SRI: variants seen among roughly 807,000 people sequenced by gnomAD.
SRI encodes the protein 22 kDa protein.
Under a neutral mutation model 33.3 loss-of-function variants are expected in SRI, and 30 were observed. That is an observed-to-expected ratio of 0.90 (90% CI 0.67 to 1.22). The LOEUF (loss-of-function observed/expected upper bound fraction) is 1.22. Among genes scored for constraint, SRI ranks in the 50% most tolerant of loss-of-function variants. SRI has a pLI of 0.00. For synonymous variants in SRI, 75 were observed against 89.9 expected (o/e 0.83, Z 0.94); for missense variants, 243 against 250.8 (o/e 0.97, Z 0.21).
At chr7:88,221,437 G>A (rs1851885406), upstream of SRI, among the ~76,000 whole-genome samples, 1 of 152,186 alleles carries the variant, frequency 6.6e-6, no homozygotes, top group Non-Finnish European at 1.5e-5. Flanking sequence ...AGGTAGATGA[G>A]ACATCTAATG....
chr7:88,214,930 C>G, intron 3 of SRI: 3 of 740,210 alleles, frequency 4.1e-6, no homozygotes, highest in Non-Finnish European at 6.2e-6. Flanking sequence ...TTATCACAGA[C>G]GAACAACTAA....
chr7:88,224,996 A>C (rs1851965009), upstream of SRI, among the ~76,000 whole-genome samples: 1 of 152,344 alleles, frequency 6.6e-6, no homozygotes, highest in Middle Eastern at 3.4e-3. Flanking sequence ...GGACCCTTTC[A>C]TCTGTGTTGG....
chr7:88,219,550 T>G, intron 1 of SRI: 1 of 189,770 alleles, frequency 5.3e-6, no homozygotes, highest in African/African-American at 2.4e-5. Context: ...TTTTGTTTGT[T>G]TGTTTGTTTG....
intron 7 of SRI, 75 bp downstream of exon 7, chr7:88,208,432 C>T: frequency 3.2e-6 from 5 of 1,583,442 alleles, no homozygotes; most frequent in Non-Finnish European, 4.3e-6. Flanking sequence ...ATATTCTTAA[C>T]AGCTAATTTC....
Position 88,206,379 on chromosome 7 carries a change from T to C in SRI, c.*99A>G. On this transcript the variant is annotated 3_prime_UTR_variant, in exon 8 of 8. Coordinates refer to ENST00000265729, the MANE Select transcript of SRI (RefSeq NM_003130.4). ...CTTTACAACAGCTGTTAAGAGAAAGTCGTGATGTAAGTTTATACATATTAC... is the reference window on the plus strand; with the variant it reads ...CTTTACAACAGCTGTTAAGAGAAAGCCGTGATGTAAGTTTATACATATTAC... 7.4e-7 allele frequency: 1 copy of C among 1,347,720 alleles called. No homozygotes were observed. The highest frequency in any genetic ancestry group is 1.1e-6 in the Non-Finnish European group (1 of 937,584). The allele number at this position is 1,347,720 out of a possible 1,614,324, so 83.5% of individuals were successfully genotyped here. A position where few individuals can be genotyped will look rare whatever the true frequency, so the allele number is the denominator to read the frequency against.
intron 3 of SRI, chr7:88,216,906 T>C: frequency 1.7e-6 from 1 of 588,176 alleles, no homozygotes; most frequent in Admixed American, 2.9e-5. Flanking sequence ...TCTGAAGTAC[T>C]GGGATTACAG....
intron 4 of SRI, chr7:88,210,667 G>A (rs1851554105): frequency 1.8e-6 from 1 of 541,412 alleles, no homozygotes; most frequent in African/African-American, 1.9e-5. Context: ...ATAATACTCT[G>A]ATGTTTCCTT....
At chr7:88,213,915 TAACTC>T (rs1228919481) in intron 3 of SRI, among the ~76,000 whole-genome samples, 3 of 152,222 alleles carry the variant, frequency 2.0e-5, no homozygotes, top group African/African-American at 7.2e-5. Flanking sequence ...CCATATTCAT[TAACTC>T]AACAGCCACT....
intron 1 of SRI, among the ~76,000 whole-genome samples, chr7:88,226,455 A>C (rs931943833): frequency 1.3e-5 from 2 of 152,138 alleles, no homozygotes; most frequent in African/African-American, 4.8e-5. Context: ...TGGAGAGAGG[A>C]GGGGAAGATA....
chr7:88,213,228 T>G (rs971058340), intron 3 of SRI, among the ~76,000 whole-genome samples: 4 of 152,292 alleles, frequency 2.6e-5, no homozygotes, highest in South Asian at 4.1e-4. Context: ...TTTATTAGTC[T>G]TTACAGTCAG....
chr7:88,218,675 C>T (rs1029875090), intron 2 of SRI, 184 bp downstream of exon 2: 1 of 571,046 alleles, frequency 1.8e-6, no homozygotes, highest in Admixed American at 2.9e-5. Flanking sequence ...ACGAGTAACA[C>T]TTTGTCCTCA....
chr7:88,222,893 A>C (rs1006506841), upstream of SRI, among the ~76,000 whole-genome samples: 7 of 152,058 alleles, frequency 4.6e-5, no homozygotes, highest in Non-Finnish European at 1.0e-4. Context: ...AAACCATAAA[A>C]ACCCTAGAAG....
chr7:88,219,039 T>C (rs1212852148), intron 1 of SRI, 97 bp from the exon 2 acceptor site: 1 of 1,033,622 alleles, frequency 9.7e-7, no homozygotes, highest in South Asian at 1.3e-5. Flanking sequence ...ACTGCCCGCC[T>C]GCCCGCCCTT....
At chr7:88,219,141 T>C (rs1851814193) in intron 1 of SRI, 199 bp from the exon 2 acceptor site, 2 of 607,132 alleles carry the variant, frequency 3.3e-6, no homozygotes, top group Admixed American at 2.6e-5. Flanking sequence ...ACTGGCGACT[T>C]AGACCATAAA....
At chr7:88,220,193 C>G, upstream of SRI, 1 of 1,313,998 alleles carries the variant, frequency 7.6e-7, no homozygotes, top group Non-Finnish European at 9.6e-7. Flanking sequence ...GCCGTGGCTC[C>G]CCTGCCTGCG....
At position 88,209,433 on chromosome 7, in the gene SRI, C is replaced by G. The variant is rs1184425887; in HGVS notation, c.417G>C (p.Gln139His). The part of the protein sequence containing the change: ...LTTMGFRLSP[Q>H]AVNSIAKRYS... ...ATCGTTTTGCAATTGAATTCACAGC[C>G]TGGGGACTCAACCTAAATCCTAAAA... Residue 139 changes from glutamine to histidine, a missense_variant, in exon 6 of 8, where the codon CAG (glutamine) becomes CAC (histidine). Transcript: ENST00000265729. 1.2e-6 allele frequency: 2 copies of G among 1,613,814 alleles called. No homozygotes were observed. Among genetic ancestry groups the G allele is most frequent in the Non-Finnish European group, 1.7e-6 (2 of 1,179,898 alleles).
chr7:88,223,034 A>G (rs916584367), upstream of SRI, among the ~76,000 whole-genome samples: 14 of 152,094 alleles, frequency 9.2e-5, 1 homozygote, highest in Admixed American at 2.6e-4. Flanking sequence ...TCTGCACAGC[A>G]AAAGAAACTA....
chr7:88,205,772 TAA>T lies in SRI; in HGVS notation c.*704_*705del, dbSNP rs1363740017. The stretch of plus-strand genomic sequence containing the variant: ...TGAAAAATACTGATATAAAGAAAAT[TAA>T]AGTCATCTAGAATTCCATTCATCCA... On this transcript the variant is annotated 3_prime_UTR_variant, in exon 8 of 8. Coordinates refer to ENST00000265729, the MANE Select transcript of SRI (RefSeq NM_003130.4). 6.6e-6 allele frequency: 1 copy of T among 152,260 alleles called. No homozygotes were observed. The highest frequency in any genetic ancestry group is 2.4e-5 in the African/African-American group (1 of 41,458). The allele number at this position is 152,260 out of a possible 1,614,324, so 9.4% of individuals were successfully genotyped here.
chr7:88,210,809 TATTA>T lies in SRI; in HGVS notation c.249+69_249+72del, dbSNP rs1851557859. ...CATTTATTACTTTGTGTTTACTAGA[TATTA>T]ATTCTAAGATGAATTCCTTTAGAAT... On this transcript the variant is annotated intron_variant, in intron 4 of 7. Transcript: ENST00000265729. 2.9e-6 allele frequency: 4 copies of T among 1,370,264 alleles called. No individual in the cohort carries two copies. In the African/African-American group the frequency reaches 4.4e-5, roughly 15 times the overall value. The allele number at this position is 1,370,264 out of a possible 1,614,324, so 84.9% of individuals were successfully genotyped here.
Sources: gnomAD v4.1 joint callset for allele counts (sites outside exome capture counted in the v4.1 genomes callset) on GRCh38, gnomAD v4.1.1 for gene constraint, MANE v1.5 for transcripts, NCBI Gene and HGNC (gene_info 2026-07-23, HGNC 2026-07-21) for gene names.